The following KLHL31 variants were observed in gnomAD, a reference collection of about 807,000 sequenced individuals.
KLHL31 encodes the protein kelch-like protein 31.
Under a neutral mutation model 47.1 loss-of-function variants are expected in KLHL31, and 32 were observed. That is an observed-to-expected ratio of 0.68 (90% CI 0.51 to 0.91). The LOEUF (loss-of-function observed/expected upper bound fraction) is 0.91, where lower values mean the gene tolerates loss of function less well. Among genes scored for constraint, KLHL31 ranks in the 40% least tolerant of loss-of-function variants. The pLI, the probability that KLHL31 is intolerant of heterozygous loss-of-function variation, is 0.00. For missense variants in KLHL31, 797 were observed against 819.3 expected (o/e 0.97, Z 0.33); for synonymous variants, 330 against 325.1 (o/e 1.01, Z -0.16).
At chr6:53,659,186 T>A (rs1056267772) in intron 1 of KLHL31, among the ~76,000 whole-genome samples, 1 of 152,146 alleles carries the variant, frequency 6.6e-6, no homozygotes, top group African/African-American at 2.4e-5. Flanking sequence ...CAAACAGTCA[T>A]GAGGTGCAGG....
In KLHL31 at chr6:53,663,851, G is replaced by A. The variant is rs1764681519; in HGVS notation, c.-34+1750C>T. Among the ~76,000 whole-genome samples the A allele has an allele frequency of 2.6e-5, 4 of 152,172 alleles. No homozygotes were observed. The South Asian group carries it at 6.2e-4, about 24-fold the overall frequency. On this transcript the variant is annotated intron_variant, in intron 1 of 2. Coordinates refer to ENST00000370905, the MANE Select transcript of KLHL31 (RefSeq NM_001003760.5). ...ATCATAGAACTGAAAATTGGGTTTC[G>A]GTGTTCATTCTGCTCTAACCACTTG...
At chr6:53,660,485 GAGA>G (rs1764628867) in intron 1 of KLHL31, among the ~76,000 whole-genome samples, 1 of 152,132 alleles carries the variant, frequency 6.6e-6, no homozygotes. Context: ...CCAAAATGAG[GAGA>G]AGGAGAGGAA....
chr6:53,655,378 C>G, intron 1 of KLHL31, 73 bp from the exon 2 acceptor site: 1 of 672,480 alleles, frequency 1.5e-6, no homozygotes, highest in Non-Finnish European at 2.3e-6. Flanking sequence ...CATTGAGAAA[C>G]TTTTTCAAAA....
chr6:53,654,289 A>C lies in KLHL31; in HGVS notation c.984T>G (p.Thr328=). 6.2e-7 allele frequency: 1 copy of C among 1,614,186 alleles called. No individual in the cohort carries two copies. Among genetic ancestry groups the C allele is most frequent in the Non-Finnish European group, 8.5e-7 (1 of 1,180,034 alleles). ...AGATGTCTCTGCTAAGGGACTTCTCAGTAAGGCCTGGGCGTCCCCCAACAG... is the reference window on the plus strand; with the variant it reads ...AGATGTCTCTGCTAAGGGACTTCTCCGTAAGGCCTGGGCGTCCCCCAACAG... ...LVTVGGRPGL[T]EKSLSRDILY... Residue 328 remains threonine (T), a synonymous_variant, in exon 2 of 3, where the codon ACT becomes ACG. Coordinates refer to ENST00000370905, the MANE Select transcript of KLHL31 (RefSeq NM_001003760.5).
At chr6:53,660,076 T>C (rs1037116790) in intron 1 of KLHL31, among the ~76,000 whole-genome samples, 3 of 152,090 alleles carry the variant, frequency 2.0e-5, no homozygotes, top group Admixed American at 6.6e-5. Flanking sequence ...GAATCCGAGC[T>C]AACCAGTTAA....
Position 53,654,628 on chromosome 6 carries a change from T to C in KLHL31, c.645A>G (p.Gln215=). 6.2e-7 allele frequency: 1 copy of C among 1,614,212 alleles called. No homozygotes were observed. The part of the protein sequence containing the change: ...SDQFMKLTFE[Q]INELLIDDDL... ...CATCATCTATAAGAAGTTCATTAAT[T>C]TGTTCAAATGTAAGTTTCATAAACT... is the stretch of plus-strand genomic sequence containing the variant. The change falls in exon 2 of 3, where the codon CAA becomes CAG. Residue 215 remains glutamine, a synonymous_variant. Coordinates refer to ENST00000370905, the MANE Select transcript of KLHL31 (RefSeq NM_001003760.5).
rs114605120 is a variant in KLHL31, at chr6:53,654,658, C to G, written c.615G>C (p.Ser205=). The G allele has an allele frequency of 7.4e-6, 12 of 1,614,052 alleles. No homozygotes were observed. Among genetic ancestry groups the G allele is most frequent in the South Asian group, 4.4e-5 (4 of 91,066 alleles). ...CAAATGTAAGTTTCATAAACTGATCCGATTCTGCAAATTCAAGGAAGTTAT... is the reference window on the plus strand; with the variant it reads ...CAAATGTAAGTTTCATAAACTGATCGGATTCTGCAAATTCAAGGAAGTTAT... ...IRDNFLEFAE[S]DQFMKLTFEQ... The change falls in exon 2 of 3, where the codon TCG becomes TCC. Residue 205 remains serine, a synonymous_variant. Transcript: ENST00000370905.
At chr6:53,659,257 A>G (rs1764613326) in intron 1 of KLHL31, among the ~76,000 whole-genome samples, 1 of 152,252 alleles carries the variant, frequency 6.6e-6, no homozygotes, top group African/African-American at 2.4e-5. Context: ...CAACAAAGGG[A>G]AGATTTCTGG....
In KLHL31 at chr6:53,650,676, G is replaced by T. The variant is rs1222888225; in HGVS notation, c.*922C>A. The T allele has an allele frequency of 1.3e-5, 2 of 152,182 alleles. No individual in the cohort carries two copies. The highest frequency in any genetic ancestry group is 2.4e-5 in the African/African-American group (1 of 41,426). 9.4% of individuals were successfully genotyped at this position (152,182 alleles called of 1,614,324 possible). A position where few individuals can be genotyped will look rare whatever the true frequency, so the allele number is the denominator to read the frequency against. Reference sequence around the variant, plus strand: ...CCTTAGGGACATAGTTTTATTTGGTGATCTTCGCGGGGTGTACATTAGGGC... The same window carrying T: ...CCTTAGGGACATAGTTTTATTTGGTTATCTTCGCGGGGTGTACATTAGGGC... On this transcript the variant is annotated 3_prime_UTR_variant, in exon 3 of 3. Coordinates refer to ENST00000370905, the MANE Select transcript of KLHL31 (RefSeq NM_001003760.5).
In KLHL31 at chr6:53,655,266, G is replaced by A. The variant is rs1410139933; in HGVS notation, c.7C>T (p.Pro3Ser). Residue 3 changes from proline (P) to serine (S), a missense_variant, in exon 2 of 3, where the codon CCC becomes TCC. Pro to Ser is a moderately conservative substitution (Grantham distance 74, BLOSUM62 -1). Transcript: ENST00000370905. ...TTCTTTTTGACAATCTTCTTTTTGGGTGCCATGTTGGCAAATACACTGTTA... is the reference window on the plus strand; with the variant it reads ...TTCTTTTTGACAATCTTCTTTTTGGATGCCATGTTGGCAAATACACTGTTA... MA[P>S]KKKIVKKNKG... The A allele has an allele frequency of 5.1e-6, 8 of 1,556,996 alleles. No homozygotes were observed. Among genetic ancestry groups the A allele is most frequent in the Non-Finnish European group, 6.9e-6 (8 of 1,155,452 alleles).
intron 1 of KLHL31, among the ~76,000 whole-genome samples, chr6:53,665,333 G>C (rs2127371729): frequency 6.6e-6 from 1 of 152,288 alleles, no homozygotes; most frequent in East Asian, 1.9e-4. Flanking sequence ...GAAATTACAG[G>C]TGGTTTTACA....
In KLHL31 at chr6:53,654,319, G is replaced by A. The variant is rs750057515; in HGVS notation, c.954C>T (p.Leu318=). The stretch of plus-strand genomic sequence containing the variant: ...GGCCTGGGCGTCCCCCAACAGTGAC[G>A]AGGACTCGGCAGCCACCTCGGATTC... ...RTRIRGGCRV[L]VTVGGRPGLT... Residue 318 remains leucine, a synonymous_variant, in exon 2 of 3, where the codon CTC becomes CTT. Transcript: ENST00000370905. 68 of 1,614,038 alleles carry A rather than the reference G, an allele frequency of 4.2e-5. No homozygotes were observed. Among genetic ancestry groups the A allele is most frequent in the African/African-American group, 5.3e-5 (4 of 74,896 alleles).
At position 53,654,529 on chromosome 6, in the gene KLHL31, T is replaced by G. The variant is rs1269139614; in HGVS notation, c.744A>C (p.Val248=). The G allele has an allele frequency of 6.2e-7, 1 of 1,614,240 alleles. No individual in the cohort carries two copies. The highest frequency in any genetic ancestry group is 1.7e-5 in the Admixed American group (1 of 60,030). ...TGCTCAAAAGATCTGCAGCGTATTT[T>G]ACTCTCTTTTGGTCAAATTCTAACC... is the stretch of plus-strand genomic sequence containing the variant. The part of the protein sequence containing the change: ...MKWLEFDQKR[V]KYAADLLSNI... Residue 248 remains valine, a synonymous_variant, in exon 2 of 3, where the codon GTA becomes GTC. Transcript: ENST00000370905.
intron 1 of KLHL31, among the ~76,000 whole-genome samples, chr6:53,662,774 G>T (rs1764665865): frequency 6.6e-6 from 1 of 152,074 alleles, no homozygotes; most frequent in Admixed American, 6.5e-5. Context: ...TAAGCAGCTG[G>T]GCAGAATTAC....
At position 53,648,526 on chromosome 6, in the gene KLHL31, G is replaced by T. The variant is rs1234678385; in HGVS notation, c.*3072C>A. On this transcript the variant is annotated 3_prime_UTR_variant, in exon 3 of 3. Coordinates refer to ENST00000370905, the MANE Select transcript of KLHL31 (RefSeq NM_001003760.5). ...TAAACCTCTATTTACATGTGTATTT[G>T]TAAAATACACTTACTACAACTGCTG... 1 of 152,124 alleles carries T rather than the reference G, an allele frequency of 6.6e-6. No homozygotes were observed. Among genetic ancestry groups the T allele is most frequent in the African/African-American group, 2.4e-5 (1 of 41,422 alleles). The allele number at this position is 152,124 out of a possible 1,614,324, so 9.4% of individuals were successfully genotyped here. A position where few individuals can be genotyped will look rare whatever the true frequency, so the allele number is the denominator to read the frequency against.
rs2127368467 is a variant in KLHL31, at chr6:53,654,536, T to C, written c.737A>G (p.Lys246Arg). 1 of 1,614,220 alleles carries C rather than the reference T, an allele frequency of 6.2e-7. No individual in the cohort carries two copies. The highest frequency in any genetic ancestry group is 2.2e-5 in the East Asian group (1 of 44,884). The change falls in exon 2 of 3, where the codon AAG becomes AGG. Residue 246 changes from lysine to arginine, a missense_variant. By Grantham distance (26) the Lys-to-Arg change is conservative (BLOSUM62 2). Transcript: ENST00000370905. ...AAGATCTGCAGCGTATTTTACTCTC[T>C]TTTGGTCAAATTCTAACCATTTCAT... Reference protein sequence around the residue: ...IAMKWLEFDQKRVKYAADLLS... With the variant: ...IAMKWLEFDQRRVKYAADLLS...
intron 1 of KLHL31, among the ~76,000 whole-genome samples, chr6:53,655,854 A>G (rs2038942): frequency 0.9 from 136,977 of 152,046 alleles, 61,794 homozygotes; most frequent in East Asian, 1. Flanking sequence ...TGATCTGCCC[A>G]CCTCAGCCTC....
Position 53,652,195 on chromosome 6 carries a change from C to T in KLHL31, c.1308G>A (p.Leu436=). 1 of 1,612,024 alleles carries T rather than the reference C, an allele frequency of 6.2e-7. No homozygotes were observed. The highest frequency in any genetic ancestry group is 8.5e-7 in the Non-Finnish European group (1 of 1,179,982). Residue 436 remains leucine, a synonymous_variant, in exon 3 of 3, where the codon CTG becomes CTA. Transcript: ENST00000370905. ...GRNAEGSLAS[L]ECYVPSTNQW... is the part of the protein sequence containing the mutation. The stretch of plus-strand genomic sequence containing the variant: ...GATTGGTGGAGGGCACGTAGCACTC[C>T]AGCGAGGCCAGGCTTCCTTCTGCGT...
Position 53,654,974 on chromosome 6 carries a change from T to C in KLHL31, c.299A>G (p.Asn100Ser), listed in dbSNP as rs201002095. 4.9e-5 allele frequency: 79 copies of C among 1,614,212 alleles called. No homozygotes were observed. In the African/African-American group the frequency reaches 9.5e-4, roughly 19 times the overall value. ...AATTGACGGGTCTTTTTTTAGGATG[T>C]TGTAAAAATACTCACTGCATGAAGC... is the stretch of plus-strand genomic sequence containing the variant. ...VMASCSEYFY[N>S]ILKKDPSIQR... The change falls in exon 2 of 3, where the codon AAC becomes AGC. Residue 100 changes from asparagine (N) to serine (S), a missense_variant. Coordinates refer to ENST00000370905, the MANE Select transcript of KLHL31 (RefSeq NM_001003760.5).
Sources: allele counts gnomAD v4.1 joint callset (sites outside exome capture counted in the v4.1 genomes callset), GRCh38; gene constraint gnomAD v4.1.1; transcripts MANE v1.5; gene names NCBI Gene and HGNC (gene_info 2026-07-23, HGNC 2026-07-21).